GRIA4: variants seen among roughly 807,000 people sequenced by gnomAD.
GRIA4 encodes glutamate ionotropic receptor AMPA type subunit 4.
A neutral mutation model predicts 104.0 loss-of-function variants in GRIA4; 34 were observed. The observed-to-expected ratio is 0.33, with a 90% CI of 0.25 to 0.44. The LOEUF is 0.44. Ranked by LOEUF, GRIA4 falls within the 20% of genes least tolerant of loss-of-function variation. The probability of loss-of-function intolerance (pLI) is 1.00; values close to 1 mark genes in which losing one functional copy is unlikely to be tolerated. For synonymous variants in GRIA4, 386 were observed against 381.9 expected, an observed-to-expected ratio of 1.01 and a Z score of -0.13; for missense variants, 750 against 1,096.5, an observed-to-expected ratio of 0.68 and a Z score of 4.46.
At chr11:105,929,379 G>A (rs1254057266) in intron 13 of GRIA4, among the ~76,000 whole-genome samples, 1 of 152,072 alleles carries the variant, frequency 6.6e-6, no homozygotes. Flanking sequence ...AGCCACAGGG[G>A]AAAACTACAT....
intron 3 of GRIA4, among the ~76,000 whole-genome samples, chr11:105,714,442 C>A (rs147692929): frequency 3.4e-4 from 51 of 152,096 alleles, no homozygotes; most frequent in African/African-American, 1.2e-3. Flanking sequence ...GTGAATAAGT[C>A]TCCATCATAA....
intron 3 of GRIA4, among the ~76,000 whole-genome samples, chr11:105,674,540 G>GA (rs568232830): frequency 2.6e-5 from 4 of 151,596 alleles, no homozygotes; most frequent in South Asian, 2.1e-4. Context: ...TGCAGTCACT[G>GA]AAAAAAAATT....
At chr11:105,974,053 TTAA>T (rs2136288836) in intron 15 of GRIA4, among the ~76,000 whole-genome samples, 1 of 152,292 alleles carries the variant, frequency 6.6e-6, no homozygotes, top group South Asian at 2.1e-4. Context: ...CATTGCATAT[TTAA>T]TAATGATAAA....
Position 105,861,933 on chromosome 11 carries a change from A to G in GRIA4, c.488-91A>G, listed in dbSNP as rs1268528017. The G allele has an allele frequency of 1.1e-5, 8 of 738,676 alleles. No individual in the cohort carries two copies. The East Asian group carries it at 1.7e-4, about 16-fold the overall frequency. 45.8% of individuals were successfully genotyped at this position (738,676 alleles called of 1,614,324 possible). On this transcript the variant is annotated intron_variant, in intron 4 of 16. Coordinates refer to ENST00000282499, the MANE Select transcript of GRIA4 (RefSeq NM_000829.4). ...TTCTAAGCATTCAGTATATTTTGGA[A>G]CATAACAGTGTTGATATAGGCTCAG...
At position 105,738,942 on chromosome 11, in the gene GRIA4, A is replaced by C. The variant is rs552201393; in HGVS notation, c.248-14039A>C. On this transcript the variant is annotated intron_variant, in intron 3 of 16. Transcript: ENST00000282499. ...AAGTAAAAAAAAACAAAAAAAAAAAAAACAAAAAAAACCCAAAAAAAAACC... is the reference window on the plus strand; with the variant it reads ...AAGTAAAAAAAAACAAAAAAAAAAACAACAAAAAAAACCCAAAAAAAAACC... 9.3e-4 allele frequency among the ~76,000 whole-genome samples: 107 copies of C among 114,648 alleles called. 1 individual carries two copies. Among genetic ancestry groups the C allele is most frequent in the African/African-American group, 2.0e-3 (75 of 36,918 alleles). The allele number at this position is 114,648 out of a possible 152,430, so 75.2% of individuals were successfully genotyped here. A position where few individuals can be genotyped will look rare whatever the true frequency, so the allele number is the denominator to read the frequency against.
intron 4 of GRIA4, among the ~76,000 whole-genome samples, chr11:105,792,450 A>G (rs1325811220): frequency 1.3e-5 from 2 of 152,130 alleles, no homozygotes; most frequent in African/African-American, 4.8e-5. Flanking sequence ...AAATTTTTAT[A>G]TATTTGTATT....
intron 5 of GRIA4, among the ~76,000 whole-genome samples, chr11:105,876,881 T>G (rs1945848037): frequency 6.6e-6 from 1 of 152,224 alleles, no homozygotes; most frequent in Non-Finnish European, 1.5e-5. Context: ...TGCCAGTCTG[T>G]GTCTTTTAAT....
intron 10 of GRIA4, chr11:105,913,026 C>T: frequency 2.1e-6 from 2 of 933,758 alleles, no homozygotes; most frequent in Non-Finnish European, 2.6e-6. Context: ...TTCCAGTTGT[C>T]TGTCCTTTGT....
At chr11:105,892,082 C>T (rs151259932) in intron 6 of GRIA4, among the ~76,000 whole-genome samples, 1 of 152,222 alleles carries the variant, frequency 6.6e-6, no homozygotes, top group East Asian at 1.9e-4. Flanking sequence ...AAGCTCTGGC[C>T]TGTCTGATTG....
At chr11:105,737,807 T>C (rs1362015325) in intron 3 of GRIA4, among the ~76,000 whole-genome samples, 1 of 152,308 alleles carries the variant, frequency 6.6e-6, no homozygotes, top group South Asian at 2.1e-4. Context: ...GAAGCAGATG[T>C]AGGTTACAAA....
At chr11:105,705,282 T>C (rs1953653786) in intron 3 of GRIA4, among the ~76,000 whole-genome samples, 1 of 152,064 alleles carries the variant, frequency 6.6e-6, no homozygotes, top group Admixed American at 6.6e-5. Context: ...AGACCAGGAA[T>C]CTAAATGTAA....
chr11:105,636,134 A>G (rs917055467), intron 3 of GRIA4, among the ~76,000 whole-genome samples: 2 of 152,222 alleles, frequency 1.3e-5, no homozygotes, highest in Non-Finnish European at 2.9e-5. Flanking sequence ...CAATACAAAA[A>G]GAGTAAAAGA....
At chr11:105,956,186 G>A (rs988083258) in intron 14 of GRIA4, among the ~76,000 whole-genome samples, 1 of 151,620 alleles carries the variant, frequency 6.6e-6, no homozygotes, top group Non-Finnish European at 1.5e-5. Context: ...GTATACATGT[G>A]CCATGTTAGT....
At chr11:105,676,494 A>G (rs1952540998) in intron 3 of GRIA4, among the ~76,000 whole-genome samples, 1 of 133,648 alleles carries the variant, frequency 7.5e-6, no homozygotes, top group Non-Finnish European at 1.6e-5. Flanking sequence ...TGGAAAACAT[A>G]TTTGATATCT....
At chr11:105,790,317 T>C (rs931693681) in intron 4 of GRIA4, among the ~76,000 whole-genome samples, 25 of 152,234 alleles carry the variant, frequency 1.6e-4, no homozygotes, top group Non-Finnish European at 3.4e-4. Flanking sequence ...TGTGTCACGC[T>C]TTAGTAATTC....
At chr11:105,911,036 G>A (rs1011447032) in intron 10 of GRIA4, among the ~76,000 whole-genome samples, 4 of 152,098 alleles carry the variant, frequency 2.6e-5, no homozygotes, top group Admixed American at 2.6e-4. Flanking sequence ...AGATGTGACT[G>A]TGAAGATTTT....
intron 3 of GRIA4, among the ~76,000 whole-genome samples, chr11:105,724,864 A>T (rs1938094768): frequency 6.6e-6 from 1 of 152,144 alleles, no homozygotes. Flanking sequence ...TGACAAATAT[A>T]ATTTTTATGT....
In GRIA4 at chr11:105,753,114, G is replaced by C. The variant is rs369534379; in HGVS notation, c.381G>C (p.Glu127Asp). The change falls in exon 4 of 17, where the codon GAG becomes GAC. Residue 127 changes from glutamate (E) to aspartate (D), a missense_variant. Glu to Asp is a conservative substitution (Grantham distance 45). Around this residue, in one of 3 missense-constraint regions of GRIA4, gnomAD observed 410 missense variants for 502.7 expected, o/e 0.82. Coordinates refer to ENST00000282499, the MANE Select transcript of GRIA4 (RefSeq NM_000829.4). ...CACCAAGTTTCCCTACTGAGGGGGA[G>C]AGCCAGTTTGTGCTGCAACTAAGAC... Reference protein sequence around the residue: ...LITPSFPTEGESQFVLQLRPS... With the variant: ...LITPSFPTEGDSQFVLQLRPS... 8.7e-6 allele frequency: 14 copies of C among 1,613,730 alleles called. 1 individual carries two copies. The Admixed American group carries it at 1.0e-4, about 12-fold the overall frequency.
intron 4 of GRIA4, among the ~76,000 whole-genome samples, chr11:105,763,983 C>G (rs140298657): frequency 0.012 from 1,890 of 152,256 alleles, 17 homozygotes; most frequent in Non-Finnish European, 0.019. Flanking sequence ...TTAAAAAGCT[C>G]TTCTATTTGT....
Sources: allele counts gnomAD v4.1 joint callset (sites outside exome capture counted in the v4.1 genomes callset), GRCh38; gene constraint gnomAD v4.1.1; regional missense constraint gnomAD v4.1.1; transcripts MANE v1.5; gene names NCBI Gene and HGNC (gene_info 2026-07-23, HGNC 2026-07-21).